The following PXDC1 variants were observed in gnomAD, a reference collection of about 807,000 sequenced individuals.
PXDC1 encodes PX domain containing 1.
Under a neutral mutation model 24.4 loss-of-function variants are expected in PXDC1, and 13 were observed. The observed-to-expected ratio is 0.53, with a 90% confidence interval of 0.35 to 0.85. The LOEUF (loss-of-function observed/expected upper bound fraction) is 0.85, where lower values mean the gene tolerates loss of function less well. PXDC1 is among the 40% of genes least tolerant of loss of function. The pLI, the probability that PXDC1 is intolerant of heterozygous loss-of-function variation, is 0.01. For synonymous variants in PXDC1, 162 were observed against 124.9 expected (o/e 1.30, Z -1.98); for missense variants, 344 against 309.3 (o/e 1.11, Z -0.84).
At chr6:3,733,685 G>A (rs970516346) in intron 3 of PXDC1, among the ~76,000 whole-genome samples, 21 of 152,134 alleles carry the variant, frequency 1.4e-4, no homozygotes, top group African/African-American at 5.1e-4. Flanking sequence ...CAACACCTCC[G>A]GGCCCCCAGA....
At chr6:3,750,460 C>T (rs985946616) in intron 1 of PXDC1, among the ~76,000 whole-genome samples, 2 of 152,234 alleles carry the variant, frequency 1.3e-5, no homozygotes, top group African/African-American at 4.8e-5. Flanking sequence ...CGGCCTGCCC[C>T]CTCCACCCCG....
rs771444578 is a variant in PXDC1 at position 3,728,206 on chromosome 6, G to A, written c.467-544C>T. Among the ~76,000 whole-genome samples the A allele has an allele frequency of 6.6e-5, 10 of 152,150 alleles. No homozygotes were observed. The highest frequency in any genetic ancestry group is 7.2e-5 in the African/African-American group (3 of 41,424). ...TGGTTACACGGATAAGTTCTTTAGC[G>A]GTGATTTCTGAGATTTTGGTGGATC... On this transcript the variant is annotated intron_variant, in intron 3 of 4. Coordinates refer to ENST00000380283, the MANE Select transcript of PXDC1 (RefSeq NM_183373.4). The surrounding 1 kb of genome is among the most constrained non-coding windows in gnomAD (Gnocchi z 4.0).
At chr6:3,750,640 G>A (rs1760684792) in intron 1 of PXDC1, among the ~76,000 whole-genome samples, 1 of 152,254 alleles carries the variant, frequency 6.6e-6, no homozygotes, top group South Asian at 2.1e-4. Context: ...AGGCCGGGGA[G>A]GAGGCGGCGC....
At position 3,723,167 on chromosome 6, in the gene PXDC1, C is replaced by A. The variant is rs1015126544; in HGVS notation, c.*452G>T. 6.2e-6 allele frequency: 1 copy of A among 160,132 alleles called. No individual in the cohort carries two copies. Among genetic ancestry groups the A allele is most frequent in the Non-Finnish European group, 1.4e-5 (1 of 73,956 alleles). The allele number at this position is 160,132 out of a possible 1,614,324, so 9.9% of individuals were successfully genotyped here. On this transcript the variant is annotated 3_prime_UTR_variant, in exon 5 of 5. Transcript: ENST00000380283. ...TGCCTGTGGCACCTGGAATGGGTGA[C>A]TTGTCAAAATCTCCCTCAAGACGTT... is the stretch of plus-strand genomic sequence containing the variant.
intron 3 of PXDC1, among the ~76,000 whole-genome samples, chr6:3,734,332 G>T (rs1181759015): frequency 6.6e-6 from 1 of 152,124 alleles, no homozygotes; most frequent in Admixed American, 6.6e-5. Context: ...TCACTCGGGG[G>T]CCAGCACCTC....
At position 3,725,785 on chromosome 6, in the gene PXDC1, G is replaced by A. The variant is rs111329758; in HGVS notation, c.578+1766C>T. ...GACCATCGACTCCACTGCACTGCCC[G>A]AGATTGAGGAGCCAGAGAAAGGCCC... On this transcript the variant is annotated intron_variant, in intron 4 of 4. Coordinates refer to ENST00000380283, the MANE Select transcript of PXDC1 (RefSeq NM_183373.4). This position sits in a 1 kb window ranked among gnomAD's most constrained non-coding sequence, Gnocchi z 4.8. Among the ~76,000 whole-genome samples, 1,484 of 152,334 alleles carry A rather than the reference G, an allele frequency of 9.7e-3. 6 individuals carry two copies. Among genetic ancestry groups the A allele is most frequent in the Middle Eastern group, 0.024 (7 of 294 alleles).
In PXDC1 at chr6:3,723,489, C is replaced by G. The variant is rs191167229; in HGVS notation, c.*130G>C. On this transcript the variant is annotated 3_prime_UTR_variant, in exon 5 of 5. Transcript: ENST00000380283. ...CTTGCAGGACACCCAGGCCTCCTGG[C>G]GTCAGTGGGGCCTGGGACGTCTGGG... The G allele has an allele frequency of 5.4e-6, 4 of 735,692 alleles. No homozygotes were observed. Among genetic ancestry groups the G allele is most frequent in the African/African-American group, 5.2e-5 (3 of 57,386 alleles). 45.6% of individuals were successfully genotyped at this position (735,692 alleles called of 1,614,324 possible).
intron 1 of PXDC1, among the ~76,000 whole-genome samples, chr6:3,746,972 G>C (rs140857845): frequency 1.3e-5 from 2 of 152,258 alleles, no homozygotes; most frequent in Non-Finnish European, 2.9e-5. Context: ...TCAAATCTAA[G>C]ACGACAGTCT....
intron 3 of PXDC1, among the ~76,000 whole-genome samples, chr6:3,733,419 G>C (rs558475274): frequency 6.6e-6 from 1 of 152,324 alleles, no homozygotes; most frequent in African/African-American, 2.4e-5. Context: ...CCTGAAGGGA[G>C]GTATCTGCCA....
At chr6:3,750,692 CG>C (rs1007726673) in intron 1 of PXDC1, among the ~76,000 whole-genome samples, 1 of 152,006 alleles carries the variant, frequency 6.6e-6, no homozygotes, top group Non-Finnish European at 1.5e-5. Flanking sequence ...GGCGGGGGTG[CG>C]GGGGGGCCCT....
At chr6:3,731,910 A>G (rs866927568) in intron 3 of PXDC1, among the ~76,000 whole-genome samples, 9 of 152,208 alleles carry the variant, frequency 5.9e-5, no homozygotes, top group Admixed American at 1.3e-4. Context: ...GCTGAGGCTG[A>G]CAGGTCCTGC....
chr6:3,727,673 A>G lies in PXDC1; in HGVS notation c.467-11T>C, dbSNP rs1193445285. On this transcript the variant is annotated splice_polypyrimidine_tract_variant and intron_variant, in intron 3 of 4. Transcript: ENST00000380283. Reference sequence around the variant, plus strand: ...TGGACCTCATGATTTCTGAAAACCAAAGCAACAAGGTGAGTCCTCAGGAGG... The same window carrying G: ...TGGACCTCATGATTTCTGAAAACCAGAGCAACAAGGTGAGTCCTCAGGAGG... 1.3e-6 allele frequency: 2 copies of G among 1,590,062 alleles called. No individual in the cohort carries two copies. The highest frequency in any genetic ancestry group is 2.2e-5 in the East Asian group (1 of 44,754).
chr6:3,736,484 T>C (rs1760319539), intron 3 of PXDC1, among the ~76,000 whole-genome samples: 1 of 152,178 alleles, frequency 6.6e-6, no homozygotes. Context: ...ACAGACCTCT[T>C]TTCCCTACAA....
At chr6:3,745,457 C>T (rs1343672678) in intron 1 of PXDC1, among the ~76,000 whole-genome samples, 1 of 152,266 alleles carries the variant, frequency 6.6e-6, no homozygotes, top group Non-Finnish European at 1.5e-5. Flanking sequence ...ACTGCTATAG[C>T]ATCAACAGTG....
intron 1 of PXDC1, among the ~76,000 whole-genome samples, chr6:3,749,305 C>T (rs1001297992): frequency 6.6e-6 from 1 of 151,596 alleles, no homozygotes; most frequent in South Asian, 2.1e-4. Context: ...TCACACTCAC[C>T]GCCCACCAGC....
chr6:3,746,569 C>T (rs191303359), intron 1 of PXDC1, among the ~76,000 whole-genome samples: 24 of 152,058 alleles, frequency 1.6e-4, no homozygotes, highest in Non-Finnish European at 3.1e-4. Context: ...GAATTCTGCA[C>T]GGGGGTGGAG....
intron 1 of PXDC1, among the ~76,000 whole-genome samples, chr6:3,750,251 TC>T (rs368492411): frequency 8.2e-4 from 125 of 152,262 alleles, no homozygotes; most frequent in African/African-American, 2.9e-3. Context: ...CGGGCCACCT[TC>T]TGCTTCAGTA....
chr6:3,739,134 CA>C, intron 1 of PXDC1: 1 of 1,168,662 alleles, frequency 8.6e-7, no homozygotes, highest in African/African-American at 1.6e-5. Context: ...AAAGCCTGTT[CA>C]GTTTTCAAGC....
intron 1 of PXDC1, among the ~76,000 whole-genome samples, chr6:3,744,640 C>T (rs1025906418): frequency 6.6e-6 from 1 of 152,224 alleles, no homozygotes; most frequent in Non-Finnish European, 1.5e-5. Context: ...AAGGAGGCAA[C>T]GGCTTCCCAC....
Sources: gnomAD v4.1 joint callset for allele counts (sites outside exome capture counted in the v4.1 genomes callset) on GRCh38, gnomAD v4.1.1 for gene constraint, Gnocchi (gnomAD v3.1) non-coding constraint, MANE v1.5 for transcripts, NCBI Gene and HGNC (gene_info 2026-07-23, HGNC 2026-07-21) for gene names.